CORO2B: variants seen among roughly 807,000 people sequenced by gnomAD.
CORO2B encodes coronin 2B.
CORO2B carries 26 observed loss-of-function variants against 58.8 expected under a neutral mutation model. The ratio of observed to expected loss-of-function variants is 0.44; its 90% CI spans 0.32 to 0.61. The LOEUF (loss-of-function observed/expected upper bound fraction) is 0.61. CORO2B is among the 20% of genes least tolerant of loss of function. CORO2B has a pLI of 0.04. For synonymous variants in CORO2B, 242 were observed against 253.8 expected, an observed-to-expected ratio of 0.95 and a Z score of 0.44; for missense variants, 460 against 645.1, an observed-to-expected ratio of 0.71 and a Z score of 3.11.
At chr15:68,533,687 C>G in the CORO2B span, among the ~76,000 whole-genome samples, 1 of 152,164 alleles carries the variant, frequency 6.6e-6, no homozygotes, top group East Asian at 1.9e-4. Context: ...CCTCCCCAAG[C>G]ATAGTTTTAA....
intron 1 of CORO2B, among the ~76,000 whole-genome samples, chr15:68,638,441 T>C (rs936003145): frequency 6.6e-6 from 1 of 152,200 alleles, no homozygotes; most frequent in African/African-American, 2.4e-5. Flanking sequence ...GAAACTGATA[T>C]TCAGACAGGT....
chr15:68,540,399 A>T, the CORO2B span, among the ~76,000 whole-genome samples: 1 of 152,272 alleles, frequency 6.6e-6, no homozygotes, highest in Admixed American at 6.5e-5. Context: ...AATTGGCAGC[A>T]ATGATTGTCA....
the CORO2B span, among the ~76,000 whole-genome samples, chr15:68,556,533 G>T: frequency 4.6e-5 from 7 of 152,232 alleles, no homozygotes; most frequent in African/African-American, 1.7e-4. Flanking sequence ...CAGCACTCAG[G>T]CCCGAGATGT....
At chr15:68,633,010 C>T (rs1900895498) in intron 1 of CORO2B, among the ~76,000 whole-genome samples, 1 of 152,250 alleles carries the variant, frequency 6.6e-6, no homozygotes, top group African/African-American at 2.4e-5. Flanking sequence ...CTGACCTCTT[C>T]TCCATCTCTC....
rs1893331042 is a variant in CORO2B at position 68,727,459 on chromosome 15, G to A, written c.*1485G>A. ...GGTGAGATCTGGAAATCAAGAAATGGGTGTCCACTCTTTTCTTTCATTAGC... is the reference window on the plus strand; with the variant it reads ...GGTGAGATCTGGAAATCAAGAAATGAGTGTCCACTCTTTTCTTTCATTAGC... On this transcript the variant is annotated 3_prime_UTR_variant, in exon 12 of 12. Coordinates refer to ENST00000261861, the MANE Select transcript of CORO2B (RefSeq NM_006091.5). The A allele has an allele frequency of 6.6e-6, 1 of 152,090 alleles. No individual in the cohort carries two copies. Among genetic ancestry groups the A allele is most frequent in the Admixed American group, 6.5e-5 (1 of 15,270 alleles). 9.4% of individuals were successfully genotyped at this position (152,090 alleles called of 1,614,324 possible).
intron 1 of CORO2B, among the ~76,000 whole-genome samples, chr15:68,630,259 G>A (rs942281330): frequency 9.2e-5 from 14 of 152,164 alleles, no homozygotes; most frequent in African/African-American, 4.8e-5. Context: ...CGTGTGCAAC[G>A]GGCAGCATGA....
At chr15:68,525,383 A>C in the CORO2B span, among the ~76,000 whole-genome samples, 3 of 152,230 alleles carry the variant, frequency 2.0e-5, no homozygotes, top group African/African-American at 7.2e-5. Flanking sequence ...AGATGTTTTG[A>C]AGCAAATTAC....
intron 1 of CORO2B, among the ~76,000 whole-genome samples, chr15:68,598,872 G>T (rs572965378): frequency 6.6e-6 from 1 of 152,318 alleles, no homozygotes; most frequent in South Asian, 2.1e-4. Context: ...AGCTGGTGGG[G>T]ATGGGAGCTG....
intron 3 of CORO2B, among the ~76,000 whole-genome samples, chr15:68,702,086 C>T (rs1892665968): frequency 1.3e-5 from 2 of 152,094 alleles, no homozygotes; most frequent in African/African-American, 4.8e-5. Context: ...AGATCATGTC[C>T]TCCTCAGGGG....
chr15:68,693,459 T>A (rs1892434706), intron 2 of CORO2B, among the ~76,000 whole-genome samples: 1 of 152,354 alleles, frequency 6.6e-6, no homozygotes, highest in South Asian at 2.1e-4. Context: ...CCCTCTTTTC[T>A]GACCACCTAC....
rs181415754 is a variant in CORO2B at position 68,625,347 on chromosome 15, A to G, written c.16-19813A>G. On this transcript the variant is annotated intron_variant, in intron 1 of 11. Transcript: ENST00000261861. ...AACATCTTTTTTAGTGTCCACTTCT[A>G]TGCATTTCACAAATGCAAACAATCG... Among the ~76,000 whole-genome samples the G allele has an allele frequency of 8.7e-3, 1,323 of 151,610 alleles. 8 individuals are homozygous for G. The highest frequency in any genetic ancestry group is 0.015 in the Non-Finnish European group (1,008 of 67,938).
intron 2 of CORO2B, among the ~76,000 whole-genome samples, chr15:68,666,914 C>T (rs981169654): frequency 1.3e-5 from 2 of 152,176 alleles, no homozygotes; most frequent in African/African-American, 4.8e-5. Context: ...CAAATCTAGG[C>T]ATTGCCAGAA....
intron 2 of CORO2B, among the ~76,000 whole-genome samples, chr15:68,675,451 G>T (rs757982462): frequency 2.6e-5 from 4 of 152,180 alleles, no homozygotes; most frequent in Non-Finnish European, 5.9e-5. Flanking sequence ...CAGAGGAGGG[G>T]TATCCTGTGT....
chr15:68,550,996 C>T, the CORO2B span, among the ~76,000 whole-genome samples: 2 of 152,116 alleles, frequency 1.3e-5, no homozygotes, highest in African/African-American at 2.4e-5. Context: ...GTGGGATCCT[C>T]AGAGAGGTTG....
intron 2 of CORO2B, among the ~76,000 whole-genome samples, chr15:68,683,067 C>G (rs1035451130): frequency 2.6e-5 from 4 of 152,202 alleles, no homozygotes; most frequent in African/African-American, 7.2e-5. Context: ...GAGAGGGCCC[C>G]TGGTATGGCA....
At chr15:68,692,154 G>T (rs1256360895) in intron 2 of CORO2B, among the ~76,000 whole-genome samples, 1 of 152,204 alleles carries the variant, frequency 6.6e-6, no homozygotes, top group Non-Finnish European at 1.5e-5. Context: ...GCTTTCAGCT[G>T]CTTGACCTTG....
At chr15:68,694,113 G>C (rs1892452690) in intron 2 of CORO2B, among the ~76,000 whole-genome samples, 1 of 152,152 alleles carries the variant, frequency 6.6e-6, no homozygotes, top group Non-Finnish European at 1.5e-5. Flanking sequence ...TGGGATTACA[G>C]GTGTGAGCCA....
chr15:68,601,026 C>G (rs1447317641), intron 1 of CORO2B, among the ~76,000 whole-genome samples: 2 of 152,178 alleles, frequency 1.3e-5, no homozygotes, highest in African/African-American at 4.8e-5. Context: ...TCCTAGCCAG[C>G]CTTTAAGGCA....
intron 1 of CORO2B, among the ~76,000 whole-genome samples, chr15:68,604,996 C>A (rs1900071836): frequency 1.3e-5 from 2 of 152,104 alleles, no homozygotes; most frequent in African/African-American, 4.8e-5. Flanking sequence ...CACCTGTAAT[C>A]CCAGCTACTC....
Sources: gnomAD v4.1 joint callset for allele counts (sites outside exome capture counted in the v4.1 genomes callset) on GRCh38, gnomAD v4.1.1 for gene constraint, MANE v1.5 for transcripts, NCBI Gene and HGNC (gene_info 2026-07-23, HGNC 2026-07-21) for gene names.